The following HYAL4 variants were observed in gnomAD, a reference collection of about 807,000 sequenced individuals.
HYAL4 encodes the protein hyaluronidase 4.
In HYAL4, 37 loss-of-function variants were observed where a neutral mutation model predicts 35.2. That is an observed-to-expected ratio of 1.05 (90% confidence interval 0.81 to 1.38). HYAL4 has a LOEUF of 1.38. Ranked by LOEUF, HYAL4 falls within the 40% of genes most tolerant of loss-of-function variation. HYAL4 has a pLI of 0.00. For synonymous variants in HYAL4, 198 were observed against 203.2 expected, an observed-to-expected ratio of 0.97 and a Z score of 0.22; for missense variants, 572 against 572.4, an observed-to-expected ratio of 1.00 and a Z score of 0.01.
At chr7:123,791,343 A>G in the HYAL4 span, among the ~76,000 whole-genome samples, 1 of 152,264 alleles carries the variant, frequency 6.6e-6, no homozygotes, top group African/African-American at 2.4e-5. Flanking sequence ...ATAGAACTTC[A>G]GTAATTCATC....
the HYAL4 span, among the ~76,000 whole-genome samples, chr7:123,776,860 G>A: frequency 3.3e-5 from 5 of 152,286 alleles, no homozygotes; most frequent in African/African-American, 9.6e-5. Context: ...GGATATATTA[G>A]GAAACATGTC....
At chr7:123,855,359 G>A (rs757711385) in intron 2 of HYAL4, among the ~76,000 whole-genome samples, 2 of 151,568 alleles carry the variant, frequency 1.3e-5, no homozygotes, top group South Asian at 2.1e-4. Context: ...CTTTCCATAC[G>A]TTTTGCTTCC....
At chr7:123,832,285 A>C (rs1231189074) in intron 1 of HYAL4, among the ~76,000 whole-genome samples, 1 of 151,424 alleles carries the variant, frequency 6.6e-6, no homozygotes, top group Non-Finnish European at 1.5e-5. Flanking sequence ...CTTTCTTAAA[A>C]TTTTTTTTAT....
chr7:123,807,728 G>A, the HYAL4 span, among the ~76,000 whole-genome samples: 1 of 150,080 alleles, frequency 6.7e-6, no homozygotes, highest in Non-Finnish European at 1.5e-5. Flanking sequence ...AAGGTGCCTG[G>A]CCTATTTTTT....
At chr7:123,825,352 TC>T (rs1287483572), upstream of HYAL4, among the ~76,000 whole-genome samples, 3 of 152,120 alleles carry the variant, frequency 2.0e-5, no homozygotes, top group Non-Finnish European at 4.4e-5. Context: ...AGATCATCTT[TC>T]CTTAGAGCAG....
At position 123,868,594 on chromosome 7, in the gene HYAL4, CA is replaced by C. The variant is rs1806765601; in HGVS notation, c.322del (p.Ile108LeufsTer9). The C allele has an allele frequency of 6.2e-7, 1 of 1,614,046 alleles. No homozygotes were observed. Among genetic ancestry groups the C allele is most frequent in the Non-Finnish European group, 8.5e-7 (1 of 1,180,034 alleles). On this transcript the variant is annotated frameshift_variant, in exon 3 of 5. Transcript: ENST00000223026. LOFTEE classifies it high-confidence loss of function. Reference protein sequence around the residue: ...YPWYTSQGVPINGGLPQNISL... With the variant: ...YPWYTSQGVPXNGGLPQNISL... The stretch of plus-strand genomic sequence containing the variant: ...CGTGGTATACATCACAAGGGGTCCC[CA>C]TTAATGGAGGTCTCCCACAGAACAT...
intron 1 of HYAL4, among the ~76,000 whole-genome samples, chr7:123,846,172 TA>T (rs913201354): frequency 3.3e-5 from 5 of 152,178 alleles, no homozygotes; most frequent in African/African-American, 1.2e-4. Flanking sequence ...TGTAGTAGCA[TA>T]GGGGCATCAG....
At chr7:123,871,133 TG>T (rs1474890829) in intron 3 of HYAL4, among the ~76,000 whole-genome samples, 1 of 152,080 alleles carries the variant, frequency 6.6e-6, no homozygotes, top group East Asian at 1.9e-4. Context: ...TATTTCCAAG[TG>T]TTTTAAACTA....
intron 2 of HYAL4, among the ~76,000 whole-genome samples, chr7:123,858,539 G>A (rs528688832): frequency 6.6e-6 from 1 of 152,054 alleles, no homozygotes; most frequent in African/African-American, 2.4e-5. Context: ...ACAGAGAAAG[G>A]CAAGAGTGCA....
chr7:123,770,042 G>T, the HYAL4 span, among the ~76,000 whole-genome samples: 2 of 151,958 alleles, frequency 1.3e-5, no homozygotes, highest in South Asian at 4.1e-4. Context: ...GGCTGGGCAT[G>T]ATATCAGAAT....
chr7:123,778,143 TTCTA>T, the HYAL4 span, among the ~76,000 whole-genome samples: 4 of 135,572 alleles, frequency 3.0e-5, no homozygotes, highest in Admixed American at 1.6e-4. Flanking sequence ...ATACCCATCT[TTCTA>T]TCTGTCTGTC....
the HYAL4 span, among the ~76,000 whole-genome samples, chr7:123,821,355 G>A: frequency 6.6e-6 from 1 of 152,058 alleles, no homozygotes; most frequent in Non-Finnish European, 1.5e-5. Flanking sequence ...ATCCTAACAG[G>A]TGTGAGGTGA....
intron 2 of HYAL4, among the ~76,000 whole-genome samples, chr7:123,852,797 A>G (rs1216957153): frequency 1.3e-5 from 2 of 152,060 alleles, no homozygotes; most frequent in African/African-American, 2.4e-5. Context: ...ACTTGATGGG[A>G]ATAGCATTGA....
the HYAL4 span, among the ~76,000 whole-genome samples, chr7:123,774,807 G>A: frequency 1.3e-5 from 2 of 152,062 alleles, no homozygotes; most frequent in East Asian, 3.9e-4. Context: ...TCTTTATGTC[G>A]ATATACTTTA....
At position 123,829,482 on chromosome 7, in the gene HYAL4, T is replaced by A. The variant is rs1001576219; in HGVS notation, c.-257+358T>A. 1.1e-4 allele frequency among the ~76,000 whole-genome samples: 17 copies of A among 152,046 alleles called. 1 individual carries two copies. Among genetic ancestry groups the A allele is most frequent in the Non-Finnish European group, 1.8e-4 (12 of 67,992 alleles). ...TTGACTTTAAAGTAAAAAATAAAAA[T>A]AAAAAAGTTAGTCATTGATGCCACT... On this transcript the variant is annotated intron_variant, in intron 1 of 4. Transcript: ENST00000489978.
At chr7:123,817,385 G>T in the HYAL4 span, among the ~76,000 whole-genome samples, 1 of 151,790 alleles carries the variant, frequency 6.6e-6, no homozygotes. Context: ...TATTCCCTCT[G>T]CTTTACAAGG....
chr7:123,832,819 G>T (rs538119080), intron 1 of HYAL4, among the ~76,000 whole-genome samples: 2 of 152,178 alleles, frequency 1.3e-5, no homozygotes, highest in African/African-American at 4.8e-5. Context: ...CATACTCATA[G>T]CTCAGTTCCC....
At chr7:123,805,169 C>T in the HYAL4 span, among the ~76,000 whole-genome samples, 6 of 152,274 alleles carry the variant, frequency 3.9e-5, no homozygotes, top group South Asian at 2.1e-4. Context: ...AAAGGCCTTG[C>T]GGAAGTTTTG....
chr7:123,853,603 T>C, intron 2 of HYAL4, among the ~76,000 whole-genome samples: 1 of 152,216 alleles, frequency 6.6e-6, no homozygotes, highest in East Asian at 1.9e-4. Context: ...GATAGGCTTT[T>C]TGATGTGCTG....
Sources: allele counts gnomAD v4.1 joint callset (sites outside exome capture counted in the v4.1 genomes callset), GRCh38; gene constraint gnomAD v4.1.1; transcripts MANE v1.5; gene names NCBI Gene and HGNC (gene_info 2026-07-23, HGNC 2026-07-21).